Variants in NOD1 observed in about 807,000 individuals in gnomAD.
The protein encoded by NOD1 is nucleotide-binding oligomerization domain-containing protein 1.
In NOD1, 70 loss-of-function variants were observed where a neutral mutation model predicts 81.2. The observed-to-expected ratio is 0.86, with a 90% confidence interval of 0.71 to 1.05. NOD1 has a LOEUF of 1.05. NOD1 is among the 50% of genes least tolerant of loss of function. The probability of loss-of-function intolerance (pLI) is 0.00; values close to 1 mark genes in which losing one functional copy is unlikely to be tolerated. For synonymous variants in NOD1, 508 were observed against 526.9 expected, an observed-to-expected ratio of 0.96 and a Z score of 0.49; for missense variants, 1,233 against 1,228.0, an observed-to-expected ratio of 1.00 and a Z score of -0.06.
At chr7:30,455,074 T>TA (rs1439174765) in intron 5 of NOD1, 63 bp downstream of exon 5, 1 of 1,544,132 alleles carries the variant, frequency 6.5e-7, no homozygotes, top group East Asian at 2.3e-5. Context: ...GCCCAGCCAT[T>TA]ACCAAACCCC....
intron 8 of NOD1, 55 bp from the exon 9 acceptor site, chr7:30,446,279 G>C: frequency 7.7e-7 from 1 of 1,306,644 alleles, no homozygotes; most frequent in Admixed American, 1.7e-5. Flanking sequence ...CTCCAATGTG[G>C]GTCACCCTCC....
chr7:30,432,250 T>C (rs981790432), intron 12 of NOD1, among the ~76,000 whole-genome samples: 3 of 152,150 alleles, frequency 2.0e-5, no homozygotes, highest in African/African-American at 7.2e-5. Flanking sequence ...CCCCTATAAC[T>C]CAGCATTAGA....
intron 12 of NOD1, among the ~76,000 whole-genome samples, chr7:30,431,642 ACT>A (rs2127994125): frequency 6.6e-6 from 1 of 152,292 alleles, no homozygotes; most frequent in South Asian, 2.1e-4. Flanking sequence ...ACAAAAATTA[ACT>A]CAAAATGGAT....
intron 6 of NOD1, among the ~76,000 whole-genome samples, chr7:30,450,183 G>C (rs1347119286): frequency 6.6e-6 from 1 of 151,988 alleles, no homozygotes; most frequent in African/African-American, 2.4e-5. Flanking sequence ...AACAGAGCGG[G>C]ACTCCATTTG....
rs1313384100 is a variant in NOD1, at chr7:30,455,122, G to A, written c.376+15C>T. Reference sequence around the variant, plus strand: ...TTGCACTGGTGCCTGCGGTCTTGCTGGGGCTGACTCCTACCTGGGTCAGTG... The same window carrying A: ...TTGCACTGGTGCCTGCGGTCTTGCTAGGGCTGACTCCTACCTGGGTCAGTG... On this transcript the variant is annotated intron_variant, in intron 5 of 13. Coordinates refer to ENST00000222823, the MANE Select transcript of NOD1 (RefSeq NM_006092.4). 1 of 1,611,624 alleles carries A rather than the reference G, an allele frequency of 6.2e-7. No individual in the cohort carries two copies. The highest frequency in any genetic ancestry group is 8.5e-7 in the Non-Finnish European group (1 of 1,178,474).
At chr7:30,435,977 T>C (rs753483913) in intron 11 of NOD1, 21 bp downstream of exon 11, 97 of 1,597,138 alleles carry the variant, frequency 6.1e-5, no homozygotes, top group Non-Finnish European at 8.2e-5. Context: ...AACAAACAAA[T>C]GAAATGACTC....
intron 12 of NOD1, among the ~76,000 whole-genome samples, chr7:30,429,709 T>G (rs1036068653): frequency 9.2e-5 from 14 of 152,198 alleles, no homozygotes; most frequent in Non-Finnish European, 1.9e-4. Flanking sequence ...ATGTGTGTGT[T>G]TGCATTTTTC....
intron 1 of NOD1, among the ~76,000 whole-genome samples, chr7:30,475,458 G>A (rs10224448): frequency 6.6e-6 from 1 of 152,374 alleles, no homozygotes; most frequent in Admixed American, 6.5e-5. Flanking sequence ...GGACGCTTCA[G>A]TAAAACAAAT....
At chr7:30,455,906 C>A (rs1239837840) in intron 4 of NOD1, among the ~76,000 whole-genome samples, 1 of 152,166 alleles carries the variant, frequency 6.6e-6, no homozygotes, top group East Asian at 1.9e-4. Context: ...CCAGCCTTCT[C>A]CTTGTCCCTC....
At chr7:30,465,305 A>C (rs1562712156) in intron 1 of NOD1, among the ~76,000 whole-genome samples, 1 of 152,210 alleles carries the variant, frequency 6.6e-6, no homozygotes, top group Non-Finnish European at 1.5e-5. Context: ...TTGGCTGCCC[A>C]CAGCTGAGGC....
intron 1 of NOD1, among the ~76,000 whole-genome samples, chr7:30,469,898 C>A (rs1788090805): frequency 1.3e-5 from 2 of 152,216 alleles, no homozygotes; most frequent in Non-Finnish European, 1.5e-5. Context: ...TTCCTCCATC[C>A]CCCCAGCGGG....
intron 1 of NOD1, among the ~76,000 whole-genome samples, chr7:30,473,557 T>G (rs879486915): frequency 2.0e-5 from 3 of 152,190 alleles, no homozygotes; most frequent in Non-Finnish European, 4.4e-5. Flanking sequence ...TCAGATTTTT[T>G]TTTCCAGTTG....
At chr7:30,474,109 G>T (rs1469093019) in intron 1 of NOD1, among the ~76,000 whole-genome samples, 2 of 152,182 alleles carry the variant, frequency 1.3e-5, no homozygotes, top group African/African-American at 2.4e-5. Flanking sequence ...GATAGGTAGA[G>T]TTAGCCCATT....
intron 13 of NOD1, chr7:30,428,595 A>C (rs1783668563): frequency 6.6e-6 from 1 of 152,150 alleles, no homozygotes; most frequent in African/African-American, 2.4e-5. Flanking sequence ...TTTTATGACA[A>C]GTTCCAAACA....
chr7:30,451,490 A>G lies in NOD1; in HGVS notation c.1927T>C (p.Phe643Leu). Residue 643 changes from phenylalanine (F) to leucine (L), a missense_variant, in exon 6 of 14, where the codon TTC becomes CTC. Phe to Leu is a conservative substitution (Grantham distance 22). Transcript: ENST00000222823. This position sits in a 1 kb window ranked among gnomAD's most constrained non-coding sequence, Gnocchi z 4.2. ...KSLPRVQVES[F>L]NQVQAMPTFI... ...GTGGGCATGGCCTGCACCTGGTTGA[A>G]GCTTTCGACCTGAACGCGGGGCAGG... 7.4e-6 allele frequency: 12 copies of G among 1,613,178 alleles called. No homozygotes were observed. Among genetic ancestry groups the G allele is most frequent in the Non-Finnish European group, 1.0e-5 (12 of 1,179,924 alleles).
intron 7 of NOD1, 78 bp from the exon 8 acceptor site, chr7:30,447,128 G>A (rs1210013098): frequency 6.2e-7 from 1 of 1,608,432 alleles, no homozygotes; most frequent in African/African-American, 1.3e-5. Context: ...GAAGCATATG[G>A]TGTCTACTGA....
chr7:30,452,729 A>C lies in NOD1; in HGVS notation c.688T>G (p.Phe230Val), dbSNP rs771744400. Residue 230 changes from phenylalanine (F) to valine (V), a missense_variant, in exon 6 of 14, where the codon TTC becomes GTC. Coordinates refer to ENST00000222823, the MANE Select transcript of NOD1 (RefSeq NM_006092.4). ...ATGCGGCAGCGAAAGTGGAAGAAGA[A>C]TTTGACCCCTGCGTCTAGCCGGCCC... Reference protein sequence around the residue: ...ATGRLDAGVKFFFHFRCRMFS... With the variant: ...ATGRLDAGVKVFFHFRCRMFS... 6.2e-7 allele frequency: 1 copy of C among 1,613,974 alleles called. No individual in the cohort carries two copies. Among genetic ancestry groups the C allele is most frequent in the Admixed American group, 1.7e-5 (1 of 60,032 alleles).
rs5743347 is a variant in NOD1 at position 30,451,507 on chromosome 7, C to T, written c.1910G>A (p.Arg637His). The T allele has an allele frequency of 1.7e-3, 2,804 of 1,613,090 alleles. 6 individuals carry two copies. Among genetic ancestry groups the T allele is most frequent in the Non-Finnish European group, 2.1e-3 (2,437 of 1,179,862 alleles). ...CTGGTTGAAGCTTTCGACCTGAACGCGGGGCAGGCTCTTCAGGTAGCCCCG... is the reference window on the plus strand; with the variant it reads ...CTGGTTGAAGCTTTCGACCTGAACGTGGGGCAGGCTCTTCAGGTAGCCCCG... ...SLRGYLKSLP[R>H]VQVESFNQVQ... Residue 637 changes from arginine (R) to histidine (H), a missense_variant, in exon 6 of 14, where the codon CGC (arginine) becomes CAC (histidine). Coordinates refer to ENST00000222823, the MANE Select transcript of NOD1 (RefSeq NM_006092.4). This position sits in a 1 kb window ranked among gnomAD's most constrained non-coding sequence, Gnocchi z 4.2.
chr7:30,433,156 T>G lies in NOD1; in HGVS notation c.2645A>C (p.Asp882Ala). 1 of 1,614,114 alleles carries G rather than the reference T, an allele frequency of 6.2e-7. No individual in the cohort carries two copies. The highest frequency in any genetic ancestry group is 8.5e-7 in the Non-Finnish European group (1 of 1,179,916). The change falls in exon 12 of 14, where the codon GAT becomes GCT. Residue 882 changes from aspartate to alanine, a missense_variant. By Grantham distance (126) the Asp-to-Ala change is moderately radical. Transcript: ENST00000222823. ...TTCTGCCAAACTCTCTGCCACTTCA[T>G]CGTTGAGTTCATTTTGGGTCAGCCT... ...ILWLTQNELN[D>A]EVAESLAEML...
Sources: gnomAD v4.1 joint callset for allele counts (sites outside exome capture counted in the v4.1 genomes callset) on GRCh38, gnomAD v4.1.1 for gene constraint, Gnocchi (gnomAD v3.1) non-coding constraint, MANE v1.5 for transcripts, NCBI Gene and HGNC (gene_info 2026-07-23, HGNC 2026-07-21) for gene names.